The following TRPM6 variants were observed in gnomAD, a reference collection of about 807,000 sequenced individuals.
TRPM6 encodes transient receptor potential cation channel subfamily M member 6, also known as channel kinase 2.
Under a neutral mutation model 247.6 loss-of-function variants are expected in TRPM6, and 111 were observed. The ratio of observed to expected loss-of-function variants is 0.45; its 90% CI spans 0.38 to 0.52. The LOEUF (loss-of-function observed/expected upper bound fraction) is 0.52. Ranked by LOEUF, TRPM6 falls within the 20% of genes least tolerant of loss-of-function variation. TRPM6 has a pLI of 0.00. For missense variants in TRPM6, 2,126 were observed against 2,421.5 expected (o/e 0.88, Z 2.56); for synonymous variants, 892 against 853.8 (o/e 1.04, Z -0.78).
At chr9:74,882,885 T>A (rs1172243873) in intron 1 of TRPM6, among the ~76,000 whole-genome samples, 2 of 152,214 alleles carry the variant, frequency 1.3e-5, no homozygotes, top group Admixed American at 1.3e-4. Context: ...ATATATAATG[T>A]AAAATTTACC....
At position 74,803,881 on chromosome 9, in the gene TRPM6, C is replaced by G. The variant is rs199617901; in HGVS notation, c.1644G>C (p.Gln548His). ...YNNLYRKYKH[Q>H]RHSSGNRNES... Reference sequence around the variant, plus strand: ...CATTTCTATTTCCTGAGGAGTGTCTCTGGTGCTGGGAAAGGTTTTGAACAA... The same window carrying G: ...CATTTCTATTTCCTGAGGAGTGTCTGTGGTGCTGGGAAAGGTTTTGAACAA... The change falls in exon 15 of 39, where the codon CAG becomes CAC. Residue 548 changes from glutamine to histidine, a missense_variant. By Grantham distance (24) the Gln-to-His change is conservative. Coordinates refer to ENST00000360774, the MANE Select transcript of TRPM6 (RefSeq NM_017662.5). The G allele has an allele frequency of 1.0e-4, 167 of 1,611,328 alleles. No homozygotes were observed. Among genetic ancestry groups the G allele is most frequent in the Non-Finnish European group, 1.4e-4 (161 of 1,177,654 alleles).
intron 1 of TRPM6, among the ~76,000 whole-genome samples, chr9:74,873,215 A>T (rs953914875): frequency 1.3e-5 from 2 of 152,074 alleles, no homozygotes; most frequent in Non-Finnish European, 2.9e-5. Context: ...TTTCTCCGCC[A>T]ACTTAGACAT....
chr9:74,791,189 T>C (rs1266552897), intron 19 of TRPM6, among the ~76,000 whole-genome samples: 1 of 152,234 alleles, frequency 6.6e-6, no homozygotes, highest in African/African-American at 2.4e-5. Flanking sequence ...CTTTCGTATA[T>C]GTTGTTGCGC....
chr9:74,781,706 C>G (rs1213707364), intron 23 of TRPM6, among the ~76,000 whole-genome samples: 1 of 152,052 alleles, frequency 6.6e-6, no homozygotes, highest in African/African-American at 2.4e-5. Flanking sequence ...ATCAAGAACT[C>G]CTTAACCAAC....
At chr9:74,734,347 C>A (rs1825623585) in intron 36 of TRPM6, among the ~76,000 whole-genome samples, 1 of 152,126 alleles carries the variant, frequency 6.6e-6, no homozygotes, top group Admixed American at 6.5e-5. Flanking sequence ...TGTTTTCTAG[C>A]TGGTATGTTT....
At chr9:74,757,633 GC>G (rs1298377278) in intron 27 of TRPM6, among the ~76,000 whole-genome samples, 2 of 151,660 alleles carry the variant, frequency 1.3e-5, no homozygotes, top group African/African-American at 4.8e-5. Context: ...GAACAGGCCA[GC>G]CGGGCATGGT....
intron 29 of TRPM6, among the ~76,000 whole-genome samples, chr9:74,751,740 C>T (rs1327503769): frequency 6.6e-6 from 1 of 152,010 alleles, no homozygotes; most frequent in East Asian, 1.9e-4. Flanking sequence ...GCTTGAATCC[C>T]CTCCATCATG....
chr9:74,872,748 G>A (rs1831067230), intron 1 of TRPM6, among the ~76,000 whole-genome samples: 1 of 152,102 alleles, frequency 6.6e-6, no homozygotes, highest in Non-Finnish European at 1.5e-5. Flanking sequence ...GGAATTACAG[G>A]CGTGAGCCAC....
chr9:74,887,496 C>T (rs1286482366), intron 1 of TRPM6: 21 of 1,098,754 alleles, frequency 1.9e-5, no homozygotes, highest in East Asian at 5.2e-5. Context: ...CCTCCTCTCC[C>T]GGGGTGTTTC....
chr9:74,800,046 A>G (rs1478723126), intron 17 of TRPM6: 3 of 596,582 alleles, frequency 5.0e-6, no homozygotes, highest in Non-Finnish European at 9.0e-6. Context: ...GCTCAGTCGC[A>G]GAAGACGACC....
Position 74,763,092 on chromosome 9 carries a change from C to G in TRPM6, c.3579G>C (p.Lys1193Asn). 1 of 1,613,712 alleles carries G rather than the reference C, an allele frequency of 6.2e-7. No individual in the cohort carries two copies. Among genetic ancestry groups the G allele is most frequent in the Non-Finnish European group, 8.5e-7 (1 of 1,180,028 alleles). Residue 1193 changes from lysine to asparagine, a missense_variant, in exon 26 of 39, where the codon AAG becomes AAC. Coordinates refer to ENST00000360774, the MANE Select transcript of TRPM6 (RefSeq NM_017662.5). ...MYFQLKEMNE[K>N]VSFIKDSLLS... ...GTAAGGAGTCCTTTATAAAAGACAC[C>G]TTTTCATTCATTTCTTTCAGCTGGA...
chr9:74,764,343 C>T (rs958499764), intron 25 of TRPM6, among the ~76,000 whole-genome samples: 1 of 152,072 alleles, frequency 6.6e-6, no homozygotes, highest in Non-Finnish European at 1.5e-5. Flanking sequence ...CAGGCTGAAT[C>T]CTAATCCAAT....
intron 3 of TRPM6, among the ~76,000 whole-genome samples, chr9:74,842,901 G>A (rs1829988836): frequency 6.6e-6 from 1 of 152,116 alleles, no homozygotes; most frequent in South Asian, 2.1e-4. Flanking sequence ...AGGTGGCTGG[G>A]GCTATGTCTT....
At chr9:74,827,667 G>T in intron 7 of TRPM6, 111 bp downstream of exon 7, 1 of 1,127,004 alleles carries the variant, frequency 8.9e-7, no homozygotes, top group Non-Finnish European at 1.4e-6. Flanking sequence ...GAGTATTAAG[G>T]AGGCTAGCTT....
intron 23 of TRPM6, among the ~76,000 whole-genome samples, chr9:74,776,487 G>C (rs192630742): frequency 6.6e-6 from 1 of 152,180 alleles, no homozygotes; most frequent in African/African-American, 2.4e-5. Context: ...TCAAATGTGA[G>C]AACTGCTAGA....
At chr9:74,851,760 A>G (rs1210812109) in intron 3 of TRPM6, among the ~76,000 whole-genome samples, 1 of 106,896 alleles carries the variant, frequency 9.4e-6, no homozygotes, top group African/African-American at 2.9e-5. Flanking sequence ...AAAAAAAAAA[A>G]AAAATATATA....
chr9:74,783,823 T>C (rs1827548287), intron 21 of TRPM6, among the ~76,000 whole-genome samples: 1 of 152,196 alleles, frequency 6.6e-6, no homozygotes. Context: ...CCTCTTTGTT[T>C]GTTTGTCTCA....
At chr9:74,881,458 A>T (rs1391135825) in intron 1 of TRPM6, among the ~76,000 whole-genome samples, 1 of 152,178 alleles carries the variant, frequency 6.6e-6, no homozygotes, top group Non-Finnish European at 1.5e-5. Flanking sequence ...ATATTATTCG[A>T]TCAAACAGAA....
At chr9:74,732,194 T>C (rs955986908) in intron 37 of TRPM6, among the ~76,000 whole-genome samples, 6 of 152,230 alleles carry the variant, frequency 3.9e-5, no homozygotes, top group Non-Finnish European at 7.3e-5. Context: ...AATCTGATGC[T>C]TCATATTTAA....
Sources: gnomAD v4.1 joint callset for allele counts (sites outside exome capture counted in the v4.1 genomes callset) on GRCh38, gnomAD v4.1.1 for gene constraint, MANE v1.5 for transcripts, NCBI Gene and HGNC (gene_info 2026-07-23, HGNC 2026-07-21) for gene names.